The following MYT1L variants were observed in gnomAD, a reference collection of about 807,000 sequenced individuals.
MYT1L encodes the protein myelin transcription factor 1 like.
In MYT1L, 12 loss-of-function variants were observed where a neutral mutation model predicts 126.7. The ratio of observed to expected loss-of-function variants is 0.09; its 90% CI spans 0.06 to 0.15. MYT1L has a LOEUF of 0.15. MYT1L is among the 10% of genes least tolerant of loss of function. The pLI, the probability that MYT1L is intolerant of heterozygous loss-of-function variation, is 1.00. For synonymous variants in MYT1L, 541 were observed against 604.2 expected (o/e 0.90, Z 1.53); for missense variants, 979 against 1,585.2 (o/e 0.62, Z 6.49).
chr2:2,294,594 T>C (rs912760374), intron 1 of MYT1L, among the ~76,000 whole-genome samples: 5 of 151,352 alleles, frequency 3.3e-5, no homozygotes, highest in East Asian at 2.0e-4. Flanking sequence ...GACAGTGAAG[T>C]TGAAATTACC....
At position 1,790,592 on chromosome 2, in the gene MYT1L, T is replaced by C. The variant is rs1009958791; in HGVS notation, c.*1275A>G. ...AAATCAAACAATGAGGCTCTGCAAA[T>C]GCTCTATGGTCAACTGGTCTCCACC... On this transcript the variant is annotated 3_prime_UTR_variant, in exon 25 of 25. Transcript: ENST00000647738. 2.0e-5 allele frequency: 3 copies of C among 152,254 alleles called. No homozygotes were observed. Among genetic ancestry groups the C allele is most frequent in the Non-Finnish European group, 4.4e-5 (3 of 68,072 alleles). The allele number at this position is 152,254 out of a possible 1,614,324, so 9.4% of individuals were successfully genotyped here. A position where few individuals can be genotyped will look rare whatever the true frequency, so the allele number is the denominator to read the frequency against.
chr2:1,952,724 TTCCCTTCCCTCC>T (rs2057896582), intron 8 of MYT1L, among the ~76,000 whole-genome samples: 1 of 53,024 alleles, frequency 1.9e-5, no homozygotes, highest in Admixed American at 1.7e-4. Context: ...CCCTCCTTCC[TTCCCTTCCCTCC>T]TTCCTTCCCT....
intron 24 of MYT1L, 129 bp from the exon 25 acceptor site, chr2:1,792,136 C>T (rs1332729268): frequency 8.4e-7 from 1 of 1,186,532 alleles, no homozygotes; most frequent in African/African-American, 1.5e-5. Context: ...GCTCAGAGCA[C>T]ACTTAAGTTT....
Position 1,804,117 on chromosome 2 carries a change from G to T in MYT1L, c.3173-2318C>A, listed in dbSNP as rs543373292. Among the ~76,000 whole-genome samples the T allele has an allele frequency of 1.2e-3, 189 of 152,158 alleles. 2 individuals are homozygous for T. The highest frequency in any genetic ancestry group is 9.3e-3 in the South Asian group (45 of 4,816). ...GTTAGGCTGGAACTAGGGTTTTTTT[G>T]TTGTTGTTGTTTGTTTGTTTTGAGA... On this transcript the variant is annotated intron_variant, in intron 22 of 24. Transcript: ENST00000647738.
chr2:1,877,591 C>T (rs980994592), intron 18 of MYT1L, among the ~76,000 whole-genome samples: 5 of 152,028 alleles, frequency 3.3e-5, no homozygotes, highest in Non-Finnish European at 5.9e-5. Context: ...GCATGATGAA[C>T]GCCATCAGCA....
intron 8 of MYT1L, among the ~76,000 whole-genome samples, chr2:1,950,625 A>C (rs2057662371): frequency 3.3e-5 from 5 of 152,164 alleles, no homozygotes. Flanking sequence ...GAGGAGACTG[A>C]GACAGAGACA....
At chr2:2,134,941 A>T (rs1212092498) in intron 3 of MYT1L, among the ~76,000 whole-genome samples, 2 of 152,150 alleles carry the variant, frequency 1.3e-5, no homozygotes, top group African/African-American at 4.8e-5. Context: ...CTTCAAAGGT[A>T]CCATCTGCCT....
chr2:1,869,232 T>G (rs190787076), intron 18 of MYT1L, among the ~76,000 whole-genome samples: 1 of 149,646 alleles, frequency 6.7e-6, no homozygotes, highest in Non-Finnish European at 1.5e-5. Flanking sequence ...CACGTGCCAC[T>G]GTACCTCCAC....
At chr2:1,896,882 C>T (rs2049652358) in intron 14 of MYT1L, among the ~76,000 whole-genome samples, 1 of 152,222 alleles carries the variant, frequency 6.6e-6, no homozygotes, top group Admixed American at 6.5e-5. Context: ...CTCTGCATTT[C>T]TTCCTCTCAT....
At chr2:2,137,005 A>C (rs1466307038) in intron 3 of MYT1L, among the ~76,000 whole-genome samples, 1 of 152,222 alleles carries the variant, frequency 6.6e-6, no homozygotes, top group Non-Finnish European at 1.5e-5. Context: ...AGGATACAAA[A>C]TCAATGTGCA....
At chr2:2,282,312 T>A (rs939682242) in intron 2 of MYT1L, among the ~76,000 whole-genome samples, 1 of 152,246 alleles carries the variant, frequency 6.6e-6, no homozygotes, top group Non-Finnish European at 1.5e-5. Context: ...ACTGAGTTTA[T>A]GAAAATTTAG....
intron 19 of MYT1L, chr2:1,841,162 CTTTTTTTTTT>C (rs1209689299): frequency 1.2e-5 from 1 of 86,126 alleles, no homozygotes; most frequent in Non-Finnish European, 2.2e-5. Flanking sequence ...ACCTCGGCCT[CTTTTTTTTTT>C]TTTTTTTTTG....
chr2:2,049,368 T>A (rs1453676828), intron 4 of MYT1L, among the ~76,000 whole-genome samples: 1 of 152,230 alleles, frequency 6.6e-6, no homozygotes, highest in East Asian at 1.9e-4. Context: ...AGAATAATAA[T>A]GTATAATACC....
At chr2:2,259,977 C>T (rs1165689596) in intron 2 of MYT1L, among the ~76,000 whole-genome samples, 3 of 152,246 alleles carry the variant, frequency 2.0e-5, no homozygotes, top group African/African-American at 7.2e-5. Context: ...GGCTCTTCCA[C>T]TGCAGCCTCC....
chr2:2,027,719 T>C (rs546633448), intron 4 of MYT1L, among the ~76,000 whole-genome samples: 1 of 152,292 alleles, frequency 6.6e-6, no homozygotes, highest in Non-Finnish European at 1.5e-5. Flanking sequence ...AACTTAGCGC[T>C]TCCATTACTG....
chr2:2,270,934 G>A (rs1457192814), intron 2 of MYT1L, among the ~76,000 whole-genome samples: 1 of 152,078 alleles, frequency 6.6e-6, no homozygotes, highest in Non-Finnish European at 1.5e-5. Context: ...TCCTGGTCAT[G>A]TTGTCGAGTT....
intron 2 of MYT1L, among the ~76,000 whole-genome samples, chr2:2,180,374 A>C (rs192811622): frequency 4.1e-4 from 63 of 152,224 alleles, no homozygotes; most frequent in East Asian, 1.4e-3. Flanking sequence ...AAAAAAAAAA[A>C]AACAACAACC....
Position 1,910,168 on chromosome 2 carries a change from G to A in MYT1L, c.1817+72C>T. 3 of 1,360,588 alleles carry A rather than the reference G, an allele frequency of 2.2e-6. No homozygotes were observed. Among genetic ancestry groups the A allele is most frequent in the South Asian group, 2.4e-5 (2 of 83,296 alleles). 84.3% of individuals were successfully genotyped at this position (1,360,588 alleles called of 1,614,324 possible). A position where few individuals can be genotyped will look rare whatever the true frequency, so the allele number is the denominator to read the frequency against. On this transcript the variant is annotated intron_variant, in intron 13 of 24. Transcript: ENST00000647738. This position sits in a 1 kb window ranked among gnomAD's most constrained non-coding sequence, Gnocchi z 4.8. ...TGCTGTAGGGACATGCCCTGAGCGG[G>A]TGTCCCCAGCGCTCCGAGGTGTGGG...
At chr2:2,200,512 G>T (rs935280414) in intron 2 of MYT1L, among the ~76,000 whole-genome samples, 2 of 152,124 alleles carry the variant, frequency 1.3e-5, no homozygotes, top group Admixed American at 1.3e-4. Flanking sequence ...ATGCCCTTGG[G>T]CCTGTCCCTG....
Sources: gnomAD v4.1 joint callset for allele counts (sites outside exome capture counted in the v4.1 genomes callset) on GRCh38, gnomAD v4.1.1 for gene constraint, Gnocchi (gnomAD v3.1) non-coding constraint, MANE v1.5 for transcripts, NCBI Gene and HGNC (gene_info 2026-07-23, HGNC 2026-07-21) for gene names.